The following MADD variants were observed in gnomAD, a reference collection of about 807,000 sequenced individuals.
MADD encodes the protein MAP kinase-activating death domain protein.
In MADD, 109 loss-of-function variants were observed where a neutral mutation model predicts 176.7. The ratio of observed to expected loss-of-function variants is 0.62; its 90% confidence interval spans 0.53 to 0.72. The LOEUF (loss-of-function observed/expected upper bound fraction) is 0.72, where lower values mean the gene tolerates loss of function less well. Among genes scored for constraint, MADD ranks in the 30% least tolerant of loss-of-function variants. The pLI, the probability that MADD is intolerant of heterozygous loss-of-function variation, is 0.00. For synonymous variants in MADD, 771 were observed against 771.3 expected (o/e 1.00, Z 0.01); for missense variants, 1,914 against 2,045.5 (o/e 0.94, Z 1.24).
Position 47,284,361 on chromosome 11 carries a change from T to C in MADD, c.1967-14T>C, listed in dbSNP as rs2059199182. 6.2e-7 allele frequency: 1 copy of C among 1,614,106 alleles called. No individual in the cohort carries two copies. The highest frequency in any genetic ancestry group is 8.5e-7 in the Non-Finnish European group (1 of 1,179,974). ...ATGGAGTGGTCTGTACCTGCCTCCCTTGGATTTTGGCAGATGTGGACCCTC... is the reference window on the plus strand; with the variant it reads ...ATGGAGTGGTCTGTACCTGCCTCCCCTGGATTTTGGCAGATGTGGACCCTC... On this transcript the variant is annotated splice_polypyrimidine_tract_variant and intron_variant, in intron 11 of 32. Coordinates refer to ENST00000402192, the Ensembl canonical transcript of MADD.
At chr11:47,304,663 T>G (rs2081164959) in intron 22 of MADD, among the ~76,000 whole-genome samples, 1 of 152,244 alleles carries the variant, frequency 6.6e-6, no homozygotes, top group East Asian at 1.9e-4. Flanking sequence ...TGTTGAATCA[T>G]CTATCTGTAT....
intron 27 of MADD, among the ~76,000 whole-genome samples, chr11:47,316,622 TC>T (rs1288676252): frequency 6.6e-6 from 1 of 152,016 alleles, no homozygotes; most frequent in Non-Finnish European, 1.5e-5. Context: ...ACTCCTGACC[TC>T]ACTGATCCAC....
intron 10 of MADD, among the ~76,000 whole-genome samples, chr11:47,283,969 A>G (rs970722486): frequency 1.3e-5 from 2 of 152,192 alleles, no homozygotes; most frequent in Admixed American, 6.5e-5. Flanking sequence ...TAGCGTCCCA[A>G]AGTGCTTGGA....
At chr11:47,314,059 A>T (rs569372146) in intron 26 of MADD, among the ~76,000 whole-genome samples, 114 of 152,112 alleles carry the variant, frequency 7.5e-4, no homozygotes, top group Non-Finnish European at 1.3e-3. Context: ...CGCCCAGCCA[A>T]GGGAGACCCC....
chr11:47,303,440 A>G (rs952679271), intron 22 of MADD, among the ~76,000 whole-genome samples: 5 of 151,886 alleles, frequency 3.3e-5, no homozygotes, highest in East Asian at 1.9e-4. Context: ...GGGTTTCACC[A>G]TGTTAGCCAG....
In MADD at chr11:47,295,587, A is replaced by G. The variant is rs774878861; in HGVS notation, c.3483+11A>G. The G allele has an allele frequency of 5.0e-6, 8 of 1,613,928 alleles. No homozygotes were observed. Among genetic ancestry groups the G allele is most frequent in the Non-Finnish European group, 6.8e-6 (8 of 1,179,978 alleles). On this transcript the variant is annotated intron_variant, in intron 21 of 32. Transcript: ENST00000402192. Reference sequence around the variant, plus strand: ...TCTGAAGTTAGCACCGTGGTAGGGGAACACCACACTGGCATCTTGGTGGGT... The same window carrying G: ...TCTGAAGTTAGCACCGTGGTAGGGGGACACCACACTGGCATCTTGGTGGGT...
intron 18 of MADD, 40 bp from the exon 20 acceptor site, chr11:47,290,570 A>G: frequency 1.3e-6 from 2 of 1,583,094 alleles, no homozygotes; most frequent in South Asian, 1.1e-5. Flanking sequence ...CTTGATTCCT[A>G]CTCACTACTT....
chr11:47,288,414 A>G (rs2138180238), intron 15 of MADD, among the ~76,000 whole-genome samples: 1 of 152,374 alleles, frequency 6.6e-6, no homozygotes, highest in Non-Finnish European at 1.5e-5. Flanking sequence ...GCGAACTAGC[A>G]CTGCCAGGGA....
chr11:47,312,314 T>C (rs192414717), intron 26 of MADD, among the ~76,000 whole-genome samples: 1 of 152,352 alleles, frequency 6.6e-6, no homozygotes, highest in Non-Finnish European at 1.5e-5. Flanking sequence ...AGTAGCGCAA[T>C]CTTGGCTCAC....
intron 27 of MADD, among the ~76,000 whole-genome samples, chr11:47,321,982 A>T (rs2094537718): frequency 6.6e-6 from 1 of 152,132 alleles, no homozygotes; most frequent in African/African-American, 2.4e-5. Flanking sequence ...GAGGTCTAAG[A>T]TGGAGAAAGG....
chr11:47,279,093 G>C lies in MADD; in HGVS notation c.1290+14G>C, dbSNP rs138493469. The C allele has an allele frequency of 3.7e-6, 6 of 1,612,390 alleles. No homozygotes were observed. The highest frequency in any genetic ancestry group is 5.1e-6 in the Non-Finnish European group (6 of 1,178,852). ...CATTTAAAGCAGGTAGGTGAAGAAC[G>C]AAGGAAAGAAAGGGGAGTATTAGAT... On this transcript the variant is annotated intron_variant, in intron 7 of 32. Coordinates refer to ENST00000402192, the Ensembl canonical transcript of MADD.
chr11:47,316,853 C>T (rs917698475), intron 27 of MADD, among the ~76,000 whole-genome samples: 1 of 152,072 alleles, frequency 6.6e-6, no homozygotes. Context: ...AAGTGATTCT[C>T]CTGCCTCAGC....
At chr11:47,278,060 G>A in intron 5 of MADD, 105 bp from the exon 6 acceptor site, 1 of 781,232 alleles carries the variant, frequency 1.3e-6, no homozygotes, top group Admixed American at 1.9e-5. Context: ...AAGAGTTTTG[G>A]AAGAGGGATT....
At chr11:47,317,473 C>T (rs1327955484) in intron 27 of MADD, among the ~76,000 whole-genome samples, 1 of 152,160 alleles carries the variant, frequency 6.6e-6, no homozygotes, top group Non-Finnish European at 1.5e-5. Context: ...GTGGAGTCTC[C>T]TACATTCTAG....
intron 25 of MADD, among the ~76,000 whole-genome samples, 163 bp from the exon 29 acceptor site, chr11:47,311,569 G>A (rs2089257649): frequency 6.6e-6 from 1 of 152,142 alleles, no homozygotes; most frequent in African/African-American, 2.4e-5. Flanking sequence ...CCCTCATGGT[G>A]GCAGAATACA....
chr11:47,290,621 C>G (rs200493019), exon 19 of MADD: 2 of 1,613,352 alleles, frequency 1.2e-6, no homozygotes, highest in East Asian at 4.5e-5. Context: ...ACCAGACAAG[C>G]GGAAGAGAAG....
exon 17 of MADD, chr11:47,289,902 G>A: frequency 6.2e-7 from 1 of 1,614,066 alleles, no homozygotes; most frequent in Non-Finnish European, 8.5e-7. Context: ...GTGGTGCACA[G>A]CGTGCTGGAC....
intron 27 of MADD, among the ~76,000 whole-genome samples, chr11:47,320,038 T>A (rs1384637733): frequency 6.6e-6 from 1 of 150,840 alleles, no homozygotes; most frequent in Non-Finnish European, 1.5e-5. Context: ...AATAATTTGC[T>A]TTTTTCACTT....
In MADD at chr11:47,284,374, G is replaced by A. The variant is rs1021643134; in HGVS notation, c.1967-1G>A. On this transcript the variant is annotated splice_acceptor_variant, in intron 11 of 32. Coordinates refer to ENST00000402192, the Ensembl canonical transcript of MADD. LOFTEE classifies it high-confidence loss of function. ...TACCTGCCTCCCTTGGATTTTGGCA[G>A]ATGTGGACCCTCTGACACATGCAGC... The A allele has an allele frequency of 4.3e-6, 7 of 1,614,100 alleles. No homozygotes were observed. Among genetic ancestry groups the A allele is most frequent in the Non-Finnish European group, 3.4e-6 (4 of 1,180,044 alleles).
Sources: gnomAD v4.1 joint callset for allele counts (sites outside exome capture counted in the v4.1 genomes callset) on GRCh38, gnomAD v4.1.1 for gene constraint, MANE v1.5 for transcripts, NCBI Gene and HGNC (gene_info 2026-07-23, HGNC 2026-07-21) for gene names.